The following DEPP1 variants were observed in gnomAD, a reference collection of about 807,000 sequenced individuals.
DEPP1 encodes the protein DEPP autophagy regulator 1, also known as protein DEPP1.
For synonymous variants in DEPP1, 117 were observed against 113.6 expected (o/e 1.03, Z -0.19); for missense variants, 267 against 280.1 (o/e 0.95, Z 0.33).
At chr10:44,978,244 G>T in intron 1 of DEPP1, 189 bp from the exon 2 acceptor site, 1 of 550,846 alleles carries the variant, frequency 1.8e-6, no homozygotes, top group African/African-American at 1.9e-5. Context: ...AACCCCAAAG[G>T]CTTAAGATTT....
At position 44,978,787 on chromosome 10, in the gene DEPP1, G is replaced by C. The variant is rs1841568826; in HGVS notation, c.-195C>G. The C allele has an allele frequency of 6.6e-6, 1 of 152,394 alleles. No individual in the cohort carries two copies. Among genetic ancestry groups the C allele is most frequent in the South Asian group, 2.1e-4 (1 of 4,826 alleles). The allele number at this position is 152,394 out of a possible 1,614,324, so 9.4% of individuals were successfully genotyped here. On this transcript the variant is annotated 5_prime_UTR_variant, in exon 1 of 2. Transcript: ENST00000298295. ...GCACTGAGTCTCACAGTCCACCGTAGCAGGCTCTTCCCTGAGCAGTGTGAA... is the reference window on the plus strand; with the variant it reads ...GCACTGAGTCTCACAGTCCACCGTACCAGGCTCTTCCCTGAGCAGTGTGAA...
In DEPP1 at chr10:44,977,002, A is replaced by C; in HGVS notation, c.*390T>G. On this transcript the variant is annotated 3_prime_UTR_variant, in exon 2 of 2. Transcript: ENST00000298295. ...ACACCCCCACTACCCTCACACCCCT[A>C]CCACCAGTTTCCCCACCAGCGATGA... 1.2e-5 allele frequency: 2 copies of C among 164,564 alleles called. No homozygotes were observed. The highest frequency in any genetic ancestry group is 6.2e-5 in the Admixed American group (1 of 16,046). The allele number at this position is 164,564 out of a possible 1,614,324, so 10.2% of individuals were successfully genotyped here.
rs7013 is a variant in DEPP1 at position 44,976,597 on chromosome 10, A to G, written c.*795T>C. 111,171 of 152,644 alleles carry G rather than the reference A, an allele frequency of 0.73. 40,584 individuals are homozygous for G. The highest frequency in any genetic ancestry group is 0.78 in the Admixed American group (11,997 of 15,302). The allele number at this position is 152,644 out of a possible 1,614,324, so 9.5% of individuals were successfully genotyped here. A position where few individuals can be genotyped will look rare whatever the true frequency, so the allele number is the denominator to read the frequency against. On this transcript the variant is annotated 3_prime_UTR_variant, in exon 2 of 2. Transcript: ENST00000298295. Reference sequence around the variant, plus strand: ...GGTCCTTCAGACTCCAGATGCCCTGACCTGGGCCTTAGGACATCTTGACTT... The same window carrying G: ...GGTCCTTCAGACTCCAGATGCCCTGGCCTGGGCCTTAGGACATCTTGACTT...
Position 44,977,599 on chromosome 10 carries a change from G to A in DEPP1, c.432C>T (p.Pro144=). The part of the protein sequence containing the change: ...GPHRQMDSSK[P]MGAPRGRLCE... ...AGAGCCTCCCTCTGGGGGCCCCCAT[G>A]GGCTTGCTGCTGTCCATCTGTCTAT... Residue 144 remains proline (P), a synonymous_variant, in exon 2 of 2, where the codon CCC becomes CCT. Transcript: ENST00000298295. 3 of 1,613,362 alleles carry A rather than the reference G, an allele frequency of 1.9e-6. No individual in the cohort carries two copies. The highest frequency in any genetic ancestry group is 2.5e-6 in the Non-Finnish European group (3 of 1,179,882).
Position 44,977,365 on chromosome 10 carries a change from T to C in DEPP1, c.*27A>G, listed in dbSNP as rs754847999. 33 of 1,532,826 alleles carry C rather than the reference T, an allele frequency of 2.2e-5. No individual in the cohort carries two copies. In the Admixed American group the frequency reaches 6.6e-4, roughly 30 times the overall value. 95.0% of individuals were successfully genotyped at this position (1,532,826 alleles called of 1,614,324 possible). On this transcript the variant is annotated 3_prime_UTR_variant, in exon 2 of 2. Coordinates refer to ENST00000298295, the MANE Select transcript of DEPP1 (RefSeq NM_007021.4). Reference sequence around the variant, plus strand: ...GAGGAGATGCAGACCCAGCATGCTCTCTACAGAAGCCTTTACTGGGGAGGG... The same window carrying C: ...GAGGAGATGCAGACCCAGCATGCTCCCTACAGAAGCCTTTACTGGGGAGGG...
Position 44,976,989 on chromosome 10 carries a change from C to T in DEPP1, c.*403G>A, listed in dbSNP as rs1048846613. 1 of 161,834 alleles carries T rather than the reference C, an allele frequency of 6.2e-6. No homozygotes were observed. The highest frequency in any genetic ancestry group is 1.3e-5 in the Non-Finnish European group (1 of 74,774). The allele number at this position is 161,834 out of a possible 1,614,324, so 10.0% of individuals were successfully genotyped here. The stretch of plus-strand genomic sequence containing the variant: ...ACCTGGGGGGCTGACACCCCCACTA[C>T]CCTCACACCCCTACCACCAGTTTCC... On this transcript the variant is annotated 3_prime_UTR_variant, in exon 2 of 2. Coordinates refer to ENST00000298295, the MANE Select transcript of DEPP1 (RefSeq NM_007021.4).
At chr10:44,978,127 C>T (rs1841534682) in intron 1 of DEPP1, 72 bp from the exon 2 acceptor site, 3 of 1,421,334 alleles carry the variant, frequency 2.1e-6, no homozygotes, top group South Asian at 2.6e-5. Context: ...CACCACACTC[C>T]TCTGGGGCTG....
rs1231541324 is a variant in DEPP1 at position 44,978,709 on chromosome 10, G to C, written c.-117C>G. The C allele has an allele frequency of 1.3e-5, 2 of 152,660 alleles. No individual in the cohort carries two copies. The highest frequency in any genetic ancestry group is 3.9e-4 in the East Asian group (2 of 5,178). 9.5% of individuals were successfully genotyped at this position (152,660 alleles called of 1,614,324 possible). On this transcript the variant is annotated 5_prime_UTR_variant, in exon 1 of 2. Coordinates refer to ENST00000298295, the MANE Select transcript of DEPP1 (RefSeq NM_007021.4). ...GCCCCTGGGAAGCTTGGGGGCCGAAGGGTGGAGGGTCCGGCAGGGGGTCCA... is the reference window on the plus strand; with the variant it reads ...GCCCCTGGGAAGCTTGGGGGCCGAACGGTGGAGGGTCCGGCAGGGGGTCCA...
Sources: gnomAD v4.1 joint callset for allele counts on GRCh38, gnomAD v4.1.1 for gene constraint, MANE v1.5 for transcripts, NCBI Gene and HGNC (gene_info 2026-07-23, HGNC 2026-07-21) for gene names.